Variants in CERS6 observed in about 807,000 individuals in gnomAD.
CERS6 encodes the protein LAG1 homolog, ceramide synthase 6.
Under a neutral mutation model 56.8 loss-of-function variants are expected in CERS6, and 26 were observed. The observed-to-expected ratio is 0.46, with a 90% CI of 0.34 to 0.63. The LOEUF (loss-of-function observed/expected upper bound fraction) is 0.63. Among genes scored for constraint, CERS6 ranks in the 30% least tolerant of loss-of-function variants. The pLI, the probability that CERS6 is intolerant of heterozygous loss-of-function variation, is 0.01. For synonymous variants in CERS6, 164 were observed against 173.3 expected, an observed-to-expected ratio of 0.95 and a Z score of 0.42; for missense variants, 415 against 467.5, an observed-to-expected ratio of 0.89 and a Z score of 1.04.
intron 3 of CERS6, among the ~76,000 whole-genome samples, chr2:168,616,122 G>A (rs560794782): frequency 6.6e-6 from 1 of 152,182 alleles, no homozygotes; most frequent in Non-Finnish European, 1.5e-5. Context: ...GTGAAACTAA[G>A]CTTCACAAAT....
At position 168,561,217 on chromosome 2, in the gene CERS6, G is replaced by C. The variant is rs765057450; in HGVS notation, c.302G>C (p.Gly101Ala). ...CATCCTGATGAAAAGAGATTGGAAG[G>C]CCTCTCCAAGCAACTGGACTGGGAT... Reference protein sequence around the residue: ...TKHPDEKRLEGLSKQLDWDVR... With the variant: ...TKHPDEKRLEALSKQLDWDVR... Residue 101 changes from glycine to alanine, a missense_variant, in exon 3 of 10, where the codon GGC (glycine) becomes GCC (alanine). Gly to Ala is a moderately conservative substitution (Grantham distance 60). Coordinates refer to ENST00000305747, the MANE Select transcript of CERS6 (RefSeq NM_203463.3). 1.2e-6 allele frequency: 2 copies of C among 1,613,986 alleles called. No individual in the cohort carries two copies. The highest frequency in any genetic ancestry group is 2.2e-5 in the East Asian group (1 of 44,874).
intron 4 of CERS6, among the ~76,000 whole-genome samples, chr2:168,639,744 GCT>G (rs1684944672): frequency 6.6e-6 from 1 of 152,136 alleles, no homozygotes; most frequent in Non-Finnish European, 1.5e-5. Context: ...GATTGGACCA[GCT>G]CATGCTCTGA....
chr2:168,546,391 T>TA (rs1387767966), intron 1 of CERS6, among the ~76,000 whole-genome samples: 5 of 152,238 alleles, frequency 3.3e-5, no homozygotes, highest in Non-Finnish European at 7.3e-5. Flanking sequence ...TACCAGGTAT[T>TA]ACGGTGCATT....
chr2:168,654,435 C>T (rs914464575), intron 4 of CERS6, among the ~76,000 whole-genome samples: 15 of 151,898 alleles, frequency 9.9e-5, no homozygotes, highest in Non-Finnish European at 1.9e-4. Context: ...CCTAGCTACA[C>T]GGGAGGCTGA....
rs150969997 is a variant in CERS6, at chr2:168,588,855, C to T, written c.407+27533C>T. Among the ~76,000 whole-genome samples, 35 of 152,362 alleles carry T rather than the reference C, an allele frequency of 2.3e-4. No individual in the cohort carries two copies. The East Asian group carries it at 6.4e-3, about 28-fold the overall frequency. ...CCGGGTTCAAGCAATTCTTCTGCCT[C>T]AGCCTCCTGAGGAGCTGGGACTACA... On this transcript the variant is annotated intron_variant, in intron 3 of 9. Transcript: ENST00000305747.
intron 4 of CERS6, among the ~76,000 whole-genome samples, chr2:168,680,889 G>A (rs1432480582): frequency 6.6e-6 from 1 of 152,208 alleles, no homozygotes; most frequent in East Asian, 1.9e-4. Flanking sequence ...GCAGCACAAA[G>A]TGGACCAAGT....
At chr2:168,630,208 G>A (rs1291947113) in intron 3 of CERS6, among the ~76,000 whole-genome samples, 1 of 151,498 alleles carries the variant, frequency 6.6e-6, no homozygotes, top group Non-Finnish European at 1.5e-5. Flanking sequence ...GTGACATCCA[G>A]CCAACTTTTA....
At chr2:168,724,195 T>C (rs970475350) in intron 8 of CERS6, among the ~76,000 whole-genome samples, 7 of 152,032 alleles carry the variant, frequency 4.6e-5, no homozygotes, top group African/African-American at 1.7e-4. Flanking sequence ...GCTGCAGACC[T>C]TCGCAGTGAG....
intron 3 of CERS6, among the ~76,000 whole-genome samples, chr2:168,615,558 A>G (rs1446130508): frequency 6.8e-6 from 1 of 148,130 alleles, no homozygotes; most frequent in African/African-American, 2.4e-5. Context: ...TGGATGCACG[A>G]AAGAAATGCA....
chr2:168,547,565 C>T (rs1437942323), intron 1 of CERS6, 31 bp from the exon 2 acceptor site: 3 of 1,393,920 alleles, frequency 2.2e-6, no homozygotes, highest in African/African-American at 1.4e-5. Flanking sequence ...TAAATTCTGA[C>T]CTTCTACTTT....
chr2:168,674,721 G>A (rs185371518), intron 4 of CERS6, among the ~76,000 whole-genome samples: 1 of 152,258 alleles, frequency 6.6e-6, no homozygotes. Context: ...CACTCTGAAT[G>A]GCCTAGGCCA....
At chr2:168,656,562 G>A (rs974484686) in intron 4 of CERS6, among the ~76,000 whole-genome samples, 17 of 151,844 alleles carry the variant, frequency 1.1e-4, no homozygotes, top group African/African-American at 3.1e-4. Context: ...AAGGTAGCGC[G>A]TCTGGAGTTG....
chr2:168,727,077 A>C (rs917458068), intron 8 of CERS6, among the ~76,000 whole-genome samples: 4 of 152,190 alleles, frequency 2.6e-5, no homozygotes, highest in African/African-American at 9.7e-5. Context: ...GTCATGTCCC[A>C]TGAAGTGCCA....
intron 1 of CERS6, among the ~76,000 whole-genome samples, chr2:168,480,555 G>C (rs368162162): frequency 6.6e-6 from 1 of 152,130 alleles, no homozygotes; most frequent in Non-Finnish European, 1.5e-5. Flanking sequence ...CATCAGAAAC[G>C]CATATGTTAA....
chr2:168,684,953 G>C (rs1686309194), intron 4 of CERS6, among the ~76,000 whole-genome samples: 1 of 152,076 alleles, frequency 6.6e-6, no homozygotes, highest in Non-Finnish European at 1.5e-5. Context: ...TAAGCAAAAG[G>C]CATAAGGTTT....
intron 1 of CERS6, among the ~76,000 whole-genome samples, chr2:168,531,733 G>A (rs1695170420): frequency 6.6e-6 from 1 of 151,328 alleles, no homozygotes; most frequent in Non-Finnish European, 1.5e-5. Flanking sequence ...AGGCAGGAGA[G>A]TTGCTTGAAC....
At chr2:168,461,550 C>T (rs1223444005) in intron 1 of CERS6, among the ~76,000 whole-genome samples, 1 of 151,356 alleles carries the variant, frequency 6.6e-6, no homozygotes, top group Non-Finnish European at 1.5e-5. Context: ...GGAGAACAAC[C>T]TAAAATCAGA....
intron 2 of CERS6, among the ~76,000 whole-genome samples, chr2:168,548,504 A>C (rs759717675): frequency 3.3e-5 from 5 of 152,232 alleles, no homozygotes; most frequent in Non-Finnish European, 7.3e-5. Flanking sequence ...TTGGACAAGA[A>C]AGAAGAAAAG....
chr2:168,774,834 T>C lies in CERS6; in HGVS notation c.*5172T>C, dbSNP rs1574237284. On this transcript the variant is annotated 3_prime_UTR_variant, in exon 10 of 10. Coordinates refer to ENST00000305747, the MANE Select transcript of CERS6 (RefSeq NM_203463.3). ...ATAGTCATTTACCTCCACAGCCGTT[T>C]GTTGTCATAGAAGGGGTGGTGGTGT... is the stretch of plus-strand genomic sequence containing the variant. 2 of 152,314 alleles carry C rather than the reference T, an allele frequency of 1.3e-5. No homozygotes were observed. Among genetic ancestry groups the C allele is most frequent in the South Asian group, 2.1e-4 (1 of 4,828 alleles). The allele number at this position is 152,314 out of a possible 1,614,324, so 9.4% of individuals were successfully genotyped here. A position where few individuals can be genotyped will look rare whatever the true frequency, so the allele number is the denominator to read the frequency against.
Sources: allele counts gnomAD v4.1 joint callset (sites outside exome capture counted in the v4.1 genomes callset), GRCh38; gene constraint gnomAD v4.1.1; transcripts MANE v1.5; gene names NCBI Gene and HGNC (gene_info 2026-07-23, HGNC 2026-07-21).